Variants in ITIH1 observed in about 807,000 individuals in gnomAD.
The protein encoded by ITIH1 is inter-alpha-trypsin inhibitor heavy chain 1, also known as inter-alpha-trypsin inhibitor heavy chain H1.
In ITIH1, 94 loss-of-function variants were observed where a neutral mutation model predicts 104.6. The observed-to-expected ratio is 0.90, with a 90% CI of 0.76 to 1.07. The LOEUF (loss-of-function observed/expected upper bound fraction) is 1.07. Among genes scored for constraint, ITIH1 ranks in the 50% least tolerant of loss-of-function variants. The pLI is 0.00. For synonymous variants in ITIH1, 455 were observed against 464.4 expected (o/e 0.98, Z 0.26); for missense variants, 1,193 against 1,181.4 (o/e 1.01, Z -0.14).
rs751436441 is a variant in ITIH1 at position 52,778,310 on chromosome 3, AG to A, written c.139-28del. The A allele has an allele frequency of 3.1e-6, 5 of 1,609,010 alleles. No individual in the cohort carries two copies. In the African/African-American group the frequency reaches 6.7e-5, roughly 21 times the overall value. ...CCCTCGCTGACAGAGGCCCTGTCTC[AG>A]GCCACAGCTCCTTCATGTCTCACTT... On this transcript the variant is annotated intron_variant, in intron 2 of 21. Transcript: ENST00000273283.
chr3:52,781,290 T>TTCC (rs1699051037), intron 6 of ITIH1, among the ~76,000 whole-genome samples: 7 of 71,834 alleles, frequency 9.7e-5, no homozygotes, highest in South Asian at 7.0e-4. Flanking sequence ...CTTCTTCCTC[T>TTCC]TCTTCTTCTT....
In ITIH1 at chr3:52,779,016, C is replaced by T; in HGVS notation, c.380C>T (p.Ala127Val). 2 of 1,613,790 alleles carry T rather than the reference C, an allele frequency of 1.2e-6. No individual in the cohort carries two copies. Among genetic ancestry groups the T allele is most frequent in the Non-Finnish European group, 8.5e-7 (1 of 1,179,660 alleles). ...VTAWKQYRKA[A>V]ISGENAGLVR... ...GCATGGAAGCAGTACCGGAAAGCAG[C>T]TATCTCAGGAGAGAATGCCGGCCTT... The change falls in exon 4 of 22, where the codon GCT becomes GTT. Residue 127 changes from alanine (A) to valine (V), a missense_variant. By Grantham distance (64) the Ala-to-Val change is moderately conservative. Coordinates refer to ENST00000273283, the MANE Select transcript of ITIH1 (RefSeq NM_002215.4). This position sits in a 1 kb window ranked among gnomAD's most constrained non-coding sequence, Gnocchi z 4.4.
At chr3:52,787,789 G>T (rs1374563817) in intron 16 of ITIH1, 177 bp downstream of exon 16, 2 of 912,708 alleles carry the variant, frequency 2.2e-6, no homozygotes, top group African/African-American at 3.2e-5. Flanking sequence ...ACAGAGAGGG[G>T]GCCAGCTAAA....
Position 52,782,032 on chromosome 3 carries a change from C to G in ITIH1, c.780C>G (p.Tyr260Ter), listed in dbSNP as rs372878494. 1 of 1,614,024 alleles carries G rather than the reference C, an allele frequency of 6.2e-7. No individual in the cohort carries two copies. The highest frequency in any genetic ancestry group is 2.2e-5 in the East Asian group (1 of 44,886). The change falls in exon 7 of 22, where the codon TAC (tyrosine) becomes TAG (stop). Residue 260 changes from tyrosine (Y) to a stop codon, truncating the protein, a stop_gained. Coordinates refer to ENST00000273283, the MANE Select transcript of ITIH1 (RefSeq NM_002215.4). LOFTEE classifies it high-confidence loss of function. Reference protein sequence around the residue: ...SLLNGHFKVTYDVSRDKICDL... With the variant: ...SLLNGHFKVT ...TGAACGGGCACTTCAAGGTGACCTA[C>G]GATGTCAGTCGAGACAAGATCTGCG... is the stretch of plus-strand genomic sequence containing the variant.
In ITIH1 at chr3:52,787,631, G is replaced by A; in HGVS notation, c.1924+19G>A. 6.2e-7 allele frequency: 1 copy of A among 1,613,794 alleles called. No individual in the cohort carries two copies. The highest frequency in any genetic ancestry group is 8.5e-7 in the Non-Finnish European group (1 of 1,179,646). ...AGAAGGAGTAAGTGGCAGCCATCCTGGCCATTCACATCTCTACCCCTCCTT... is the reference window on the plus strand; with the variant it reads ...AGAAGGAGTAAGTGGCAGCCATCCTAGCCATTCACATCTCTACCCCTCCTT... On this transcript the variant is annotated intron_variant, in intron 16 of 21. Transcript: ENST00000273283.
rs778217188 is a variant in ITIH1 at position 52,789,668 on chromosome 3, G to C, written c.2135G>C (p.Gly712Ala). The C allele has an allele frequency of 1.2e-6, 2 of 1,614,168 alleles. No homozygotes were observed. The highest frequency in any genetic ancestry group is 4.5e-5 in the East Asian group (2 of 44,886). ...TCCATTGCAGGCTTCTCAGTGAATGGACAGCTCATTGGCAACAAGGCCAGG... is the reference window on the plus strand; with the variant it reads ...TCCATTGCAGGCTTCTCAGTGAATGCACAGCTCATTGGCAACAAGGCCAGG... ...QDPNTGFSVN[G>A]QLIGNKARSP... The change falls in exon 19 of 22, where the codon GGA becomes GCA. Residue 712 changes from glycine (G) to alanine (A), a missense_variant. Physicochemically the swap from Gly to Ala is moderately conservative, Grantham distance 60 (BLOSUM62 0). Coordinates refer to ENST00000273283, the MANE Select transcript of ITIH1 (RefSeq NM_002215.4).
chr3:52,787,937 G>C lies in ITIH1; in HGVS notation c.1925-49G>C, dbSNP rs759588496. 2.6e-6 allele frequency: 4 copies of C among 1,546,408 alleles called. No homozygotes were observed. In the South Asian group the frequency reaches 4.5e-5, roughly 17 times the overall value. On this transcript the variant is annotated intron_variant, in intron 16 of 21. Transcript: ENST00000273283. ...GTCATCAGAGGGATCAGCAGCTCCA[G>C]GGAAGGCCTGGCTGCCCCGCTTCTA...
intron 8 of ITIH1, among the ~76,000 whole-genome samples, chr3:52,782,571 A>G (rs1185494562): frequency 1.3e-5 from 2 of 151,778 alleles, no homozygotes; most frequent in African/African-American, 4.8e-5. Context: ...GTGCACTACA[A>G]TTACGGTGGT....
chr3:52,782,286 C>T lies in ITIH1; in HGVS notation c.930+19C>T, dbSNP rs763264472. ...GAAGCAGGTAGGCTGCAGCTTGAAA[C>T]AGCTCACCCAGCAGAAGCTTCCACA... On this transcript the variant is annotated intron_variant, in intron 8 of 21. Coordinates refer to ENST00000273283, the MANE Select transcript of ITIH1 (RefSeq NM_002215.4). The T allele has an allele frequency of 2.6e-5, 41 of 1,575,746 alleles. No homozygotes were observed. The East Asian group carries it at 9.2e-4, about 35-fold the overall frequency.
At chr3:52,790,634 A>T (rs1699328107) in intron 19 of ITIH1, 115 bp from the exon 20 acceptor site, 1 of 1,026,074 alleles carries the variant, frequency 9.7e-7, no homozygotes, top group East Asian at 2.5e-5. Flanking sequence ...TCTGGGGATG[A>T]AGGCCATGGG....
intron 6 of ITIH1, among the ~76,000 whole-genome samples, chr3:52,781,291 T>G (rs1441884289): frequency 1.4e-5 from 1 of 69,846 alleles, no homozygotes; most frequent in Non-Finnish European, 3.7e-5. Context: ...TTCTTCCTCT[T>G]CTTCTTCTTC....
intron 15 of ITIH1, among the ~76,000 whole-genome samples, 167 bp downstream of exon 15, chr3:52,787,369 C>G (rs1699230381): frequency 1.3e-5 from 2 of 152,158 alleles, no homozygotes; most frequent in South Asian, 4.1e-4. Flanking sequence ...CGCGAACTCC[C>G]TGCTGCGCTT....
At chr3:52,784,603 G>A in intron 11 of ITIH1, 126 bp downstream of exon 11, 1 of 964,322 alleles carries the variant, frequency 1.0e-6, no homozygotes, top group South Asian at 1.7e-5. Flanking sequence ...CAGCTGCATG[G>A]GCCAGGCATG....
At chr3:52,789,595 G>C in intron 18 of ITIH1, 58 bp from the exon 19 acceptor site, 1 of 1,501,530 alleles carries the variant, frequency 6.7e-7, no homozygotes, top group Non-Finnish European at 9.3e-7. Context: ...GCATGATCCT[G>C]CTAAGCAAAG....
intron 6 of ITIH1, among the ~76,000 whole-genome samples, chr3:52,781,135 G>A (rs72960298): frequency 0.055 from 8,347 of 150,990 alleles, 825 homozygotes; most frequent in African/African-American, 0.19. Context: ...ACTTTTTCAA[G>A]GTTCTATTTT....
chr3:52,791,658 C>T (rs749442782), intron 21 of ITIH1, 30 bp downstream of exon 21: 27 of 1,610,764 alleles, frequency 1.7e-5, no homozygotes, highest in Non-Finnish European at 2.3e-5. Flanking sequence ...AGCACGTCTG[C>T]CCTCGGCCAC....
intron 13 of ITIH1, 126 bp from the exon 14 acceptor site, chr3:52,786,808 AGGACACCATGG>A (rs1699214194): frequency 9.9e-7 from 1 of 1,012,340 alleles, no homozygotes. Flanking sequence ...GCCACTGCAT[AGGACACCATGG>A]GGGCTTAATA....
rs759749919 is a variant in ITIH1 at position 52,790,972 on chromosome 3, G to C, written c.2494+51G>C. On this transcript the variant is annotated intron_variant, in intron 20 of 21. Coordinates refer to ENST00000273283, the MANE Select transcript of ITIH1 (RefSeq NM_002215.4). Reference sequence around the variant, plus strand: ...TGTGGGGAAGGGTGTTGAAGCCAGAGGACATGTGGGACCTGGGGCCACCGG... The same window carrying C: ...TGTGGGGAAGGGTGTTGAAGCCAGACGACATGTGGGACCTGGGGCCACCGG... 3.9e-6 allele frequency: 6 copies of C among 1,537,070 alleles called. 1 individual carries two copies. The highest frequency in any genetic ancestry group is 2.2e-5 in the Admixed American group (1 of 46,486).
At chr3:52,778,852 C>A in intron 3 of ITIH1, 90 bp from the exon 4 acceptor site, 2 of 1,140,620 alleles carry the variant, frequency 1.8e-6, no homozygotes, top group Non-Finnish European at 2.6e-6. Flanking sequence ...AGGAGACGTC[C>A]TTATCCAAGG....
Sources: gnomAD v4.1 joint callset for allele counts (sites outside exome capture counted in the v4.1 genomes callset) on GRCh38, gnomAD v4.1.1 for gene constraint, Gnocchi (gnomAD v3.1) non-coding constraint, MANE v1.5 for transcripts, NCBI Gene and HGNC (gene_info 2026-07-23, HGNC 2026-07-21) for gene names.